Variants in HPSE2 observed in about 807,000 individuals in gnomAD.
HPSE2 encodes the protein inactive heparanase-2.
HPSE2 carries 38 observed loss-of-function variants against 60.5 expected under a neutral mutation model. The observed-to-expected ratio is 0.63, with a 90% CI of 0.48 to 0.82. The LOEUF (loss-of-function observed/expected upper bound fraction) is 0.82. HPSE2 is among the 40% of genes least tolerant of loss of function. HPSE2 has a pLI of 0.00. For missense variants in HPSE2, 713 were observed against 740.4 expected (o/e 0.96, Z 0.43); for synonymous variants, 295 against 293.2 (o/e 1.01, Z -0.06).
At chr10:98,765,276 A>G (rs1041303380) in intron 3 of HPSE2, among the ~76,000 whole-genome samples, 3 of 152,214 alleles carry the variant, frequency 2.0e-5, no homozygotes, top group Non-Finnish European at 4.4e-5. Context: ...TTAAGCAAAT[A>G]TAAAAGAACT....
rs200922828 is a variant in HPSE2, at chr10:98,722,478, AT to A, written c.785-651del. The stretch of plus-strand genomic sequence containing the variant: ...GGCCTCCTAAAATATCAGAGAAGCA[AT>A]TTTTGTTGTTTTAAGCCACGAAATT... On this transcript the variant is annotated intron_variant, in intron 4 of 11. Transcript: ENST00000370552. Among the ~76,000 whole-genome samples, 30 of 152,128 alleles carry A rather than the reference AT, an allele frequency of 2.0e-4. No homozygotes were observed. In the East Asian group the frequency reaches 4.6e-3, roughly 23 times the overall value.
chr10:98,590,085 G>A (rs555616907), intron 9 of HPSE2, among the ~76,000 whole-genome samples: 2 of 145,366 alleles, frequency 1.4e-5, no homozygotes, highest in Admixed American at 6.7e-5. Flanking sequence ...GAACAGAAAA[G>A]TAAGAGAGTA....
intron 3 of HPSE2, among the ~76,000 whole-genome samples, chr10:98,756,692 CA>C (rs1465882331): frequency 6.6e-6 from 1 of 151,736 alleles, no homozygotes; most frequent in Non-Finnish European, 1.5e-5. Flanking sequence ...GCCTACCAAC[CA>C]AAAAACAAAA....
At position 99,205,296 on chromosome 10, in the gene HPSE2, G is replaced by GA. The variant is rs372851765; in HGVS notation, c.448+27051dup. Among the ~76,000 whole-genome samples the GA allele has an allele frequency of 2.7e-3, 409 of 151,826 alleles. 2 individuals carry two copies. Among genetic ancestry groups the GA allele is most frequent in the African/African-American group, 8.0e-3 (331 of 41,428 alleles). On this transcript the variant is annotated intron_variant, in intron 2 of 11. Coordinates refer to ENST00000370552, the MANE Select transcript of HPSE2 (RefSeq NM_021828.5). The stretch of plus-strand genomic sequence containing the variant: ...GATCTGGTCTGAGTAATGTTTAAGA[G>GA]AAAAAAAATAGGCCAGGTGTAGTGG...
At chr10:98,995,519 T>C (rs1956623449) in intron 3 of HPSE2, among the ~76,000 whole-genome samples, 2 of 152,196 alleles carry the variant, frequency 1.3e-5, no homozygotes, top group Non-Finnish European at 2.9e-5. Context: ...AAAGTCACCA[T>C]TTATTCTCCT....
At chr10:99,081,916 G>A (rs1185036836) in intron 3 of HPSE2, among the ~76,000 whole-genome samples, 5 of 152,140 alleles carry the variant, frequency 3.3e-5, no homozygotes, top group African/African-American at 2.4e-5. Context: ...AATTACAGGC[G>A]TGAGCCACCC....
At chr10:98,898,973 A>C (rs1278013573) in intron 3 of HPSE2, among the ~76,000 whole-genome samples, 1 of 152,270 alleles carries the variant, frequency 6.6e-6, no homozygotes, top group African/African-American at 2.4e-5. Context: ...AACTCTAAAC[A>C]TAAGAAAAAG....
the HPSE2 span, among the ~76,000 whole-genome samples, chr10:99,288,160 GT>G: frequency 0.49 from 75,011 of 151,926 alleles, 21,708 homozygotes; most frequent in Non-Finnish European, 0.64. Context: ...CAGGGCTTCA[GT>G]TTCCCCATTC....
chr10:98,996,466 C>T lies in HPSE2; in HGVS notation c.610+147772G>A, dbSNP rs576396474. Among the ~76,000 whole-genome samples the T allele has an allele frequency of 1.3e-4, 20 of 152,084 alleles. 1 individual carries two copies. In the South Asian group the frequency reaches 1.5e-3, roughly 11 times the overall value. On this transcript the variant is annotated intron_variant, in intron 3 of 11. Coordinates refer to ENST00000370552, the MANE Select transcript of HPSE2 (RefSeq NM_021828.5). ...AAACATTAAACATATCTCTAGCTACCCTATGACTCAGAAATTCTGCTCCTA... is the reference window on the plus strand; with the variant it reads ...AAACATTAAACATATCTCTAGCTACTCTATGACTCAGAAATTCTGCTCCTA...
Position 98,712,822 on chromosome 10 carries a change from T to C in HPSE2, c.956+8835A>G, listed in dbSNP as rs375732823. 9.9e-5 allele frequency among the ~76,000 whole-genome samples: 15 copies of C among 152,224 alleles called. No homozygotes were observed. The East Asian group carries it at 2.1e-3, about 22-fold the overall frequency. On this transcript the variant is annotated intron_variant, in intron 5 of 11. Coordinates refer to ENST00000370552, the MANE Select transcript of HPSE2 (RefSeq NM_021828.5). ...CTAGCAATTCTGTAGAATGTTGGAT[T>C]AACTTCCATTCTTCATTCTTCACTC... is the stretch of plus-strand genomic sequence containing the variant.
intron 3 of HPSE2, among the ~76,000 whole-genome samples, chr10:98,998,702 T>C (rs1259255244): frequency 6.6e-6 from 1 of 152,216 alleles, no homozygotes; most frequent in African/African-American, 2.4e-5. Context: ...TGAATTTCCA[T>C]GCCTCCCCCT....
intron 6 of HPSE2, among the ~76,000 whole-genome samples, chr10:98,658,182 G>T (rs1332742541): frequency 6.6e-6 from 1 of 152,134 alleles, no homozygotes; most frequent in Non-Finnish European, 1.5e-5. Flanking sequence ...GCCATGCCCG[G>T]GGTACACAGA....
At chr10:98,954,749 C>T (rs915704704) in intron 3 of HPSE2, among the ~76,000 whole-genome samples, 1 of 151,928 alleles carries the variant, frequency 6.6e-6, no homozygotes, top group Non-Finnish European at 1.5e-5. Context: ...AGGCAACAGT[C>T]ATAAACATAA....
intron 3 of HPSE2, among the ~76,000 whole-genome samples, chr10:98,891,638 C>A (rs1488325699): frequency 6.6e-6 from 1 of 151,912 alleles, no homozygotes; most frequent in Non-Finnish European, 1.5e-5. Flanking sequence ...TATTTTTTCA[C>A]AGAGACAGGG....
rs1950792545 is a variant in HPSE2, at chr10:98,796,980, G to A, written c.611-52924C>T. 2.0e-5 allele frequency among the ~76,000 whole-genome samples: 3 copies of A among 152,214 alleles called. No homozygotes were observed. The South Asian group carries it at 6.2e-4, about 31-fold the overall frequency. ...CCACAGTGTTAGGCTTGGAGCCCAAGTCCCTTTGAATACCTGGAAAGCATT... is the reference window on the plus strand; with the variant it reads ...CCACAGTGTTAGGCTTGGAGCCCAAATCCCTTTGAATACCTGGAAAGCATT... On this transcript the variant is annotated intron_variant, in intron 3 of 11. Coordinates refer to ENST00000370552, the MANE Select transcript of HPSE2 (RefSeq NM_021828.5).
chr10:98,791,913 G>A (rs1276744032), intron 3 of HPSE2, among the ~76,000 whole-genome samples: 5 of 151,822 alleles, frequency 3.3e-5, no homozygotes, highest in Admixed American at 2.0e-4. Context: ...TATTATCAAC[G>A]TTATTTTTCA....
chr10:98,888,616 G>A (rs1235421039), intron 3 of HPSE2, among the ~76,000 whole-genome samples: 1 of 152,060 alleles, frequency 6.6e-6, no homozygotes, highest in Non-Finnish European at 1.5e-5. Flanking sequence ...GGTATGTTAC[G>A]CACAAAGCTG....
chr10:98,614,552 A>G (rs1945848851), intron 9 of HPSE2, among the ~76,000 whole-genome samples: 1 of 152,168 alleles, frequency 6.6e-6, no homozygotes, highest in Non-Finnish European at 1.5e-5. Context: ...TTGGCCTCCC[A>G]AAGTGCTGAG....
intron 3 of HPSE2, among the ~76,000 whole-genome samples, chr10:99,024,537 C>T (rs1438159886): frequency 6.6e-6 from 1 of 151,916 alleles, no homozygotes; most frequent in African/African-American, 2.4e-5. Flanking sequence ...CTTCCCAAGC[C>T]TAGAAAAAGA....
Sources: gnomAD v4.1 joint callset for allele counts (sites outside exome capture counted in the v4.1 genomes callset) on GRCh38, gnomAD v4.1.1 for gene constraint, MANE v1.5 for transcripts, NCBI Gene and HGNC (gene_info 2026-07-23, HGNC 2026-07-21) for gene names.